The following PRKACB variants were observed in gnomAD, a reference collection of about 807,000 sequenced individuals.
PRKACB encodes cAMP-dependent protein kinase catalytic subunit beta.
PRKACB carries 16 observed loss-of-function variants against 51.4 expected under a neutral mutation model. That is an observed-to-expected ratio of 0.31 (90% CI 0.21 to 0.47). PRKACB has a LOEUF of 0.47. Among genes scored for constraint, PRKACB ranks in the 20% least tolerant of loss-of-function variants. The pLI is 1.00. For missense variants in PRKACB, 309 were observed against 464.5 expected, an observed-to-expected ratio of 0.67 and a Z score of 3.08; for synonymous variants, 147 against 154.4, an observed-to-expected ratio of 0.95 and a Z score of 0.35.
chr1:84,186,467 C>T (rs1398269484), intron 5 of PRKACB, among the ~76,000 whole-genome samples: 2 of 152,072 alleles, frequency 1.3e-5, no homozygotes, highest in Non-Finnish European at 2.9e-5. Context: ...GATCCACCCT[C>T]CTTGGCCTCC....
At position 84,108,224 on chromosome 1, in the gene PRKACB, C is replaced by G. The variant is rs1441691464; in HGVS notation, c.46+29853C>G. Among the ~76,000 whole-genome samples, 3 of 151,882 alleles carry G rather than the reference C, an allele frequency of 2.0e-5. No individual in the cohort carries two copies. The South Asian group carries it at 6.2e-4, about 32-fold the overall frequency. ...TAACTCTAGTAAACTAACAAAGGAG[C>G]AGAAAACCAACTATCACATGTTCTC... is the stretch of plus-strand genomic sequence containing the variant. On this transcript the variant is annotated intron_variant, in intron 1 of 8. Transcript: ENST00000370688.
At chr1:84,121,230 T>C (rs1038033949) in intron 1 of PRKACB, among the ~76,000 whole-genome samples, 4 of 152,082 alleles carry the variant, frequency 2.6e-5, no homozygotes, top group African/African-American at 9.6e-5. Flanking sequence ...TTGAATTCAC[T>C]TTTCTATATA....
chr1:84,180,183 G>GATATATATACATATATATATATAT (rs1662818860), intron 2 of PRKACB, among the ~76,000 whole-genome samples: 1 of 32,062 alleles, frequency 3.1e-5, no homozygotes, highest in Non-Finnish European at 7.8e-5. Flanking sequence ...AAGAAACTGT[G>GATATATATACATATATATATATAT]ATATATATAT....
At chr1:84,124,447 A>C (rs548237977) in intron 1 of PRKACB, among the ~76,000 whole-genome samples, 47 of 152,334 alleles carry the variant, frequency 3.1e-4, no homozygotes, top group African/African-American at 1.1e-3. Flanking sequence ...CATTATCTGA[A>C]GAGTGAGGTT....
In PRKACB at chr1:84,197,758, T is replaced by G; in HGVS notation, c.717T>G (p.Val239=). Residue 239 remains valine (V), a synonymous_variant, in exon 7 of 10, where the codon GTT becomes GTG. Coordinates refer to ENST00000370685, the MANE Select transcript of PRKACB (RefSeq NM_182948.4). ...CAGACTTTGGGTTTGCCAAAAGAGT[T>G]AAAGGCAGAACTTGGACATTATGTG... ...QVTDFGFAKR[V]KGRTWTLCGT... 4 of 1,611,832 alleles carry G rather than the reference T, an allele frequency of 2.5e-6. No homozygotes were observed. Among genetic ancestry groups the G allele is most frequent in the Non-Finnish European group, 2.5e-6 (3 of 1,178,600 alleles).
chr1:84,205,123 G>A, intron 8 of PRKACB: 1 of 981,846 alleles, frequency 1.0e-6, no homozygotes, highest in Non-Finnish European at 1.2e-6. Context: ...TTAACTAAAA[G>A]TACCAGATTA....
chr1:84,204,392 A>T, intron 8 of PRKACB: 1 of 1,001,098 alleles, frequency 1.0e-6, no homozygotes, highest in Non-Finnish European at 1.6e-6. Context: ...GTACTTATTT[A>T]AACAAGTATC....
In PRKACB at chr1:84,154,894, G is replaced by A. The variant is rs146579694; in HGVS notation, c.187+10346G>A. Among the ~76,000 whole-genome samples, 898 of 152,124 alleles carry A rather than the reference G, an allele frequency of 5.9e-3. 9 individuals are homozygous for A. The highest frequency in any genetic ancestry group is 0.021 in the African/African-American group (865 of 41,518). ...AGTGCTGTACTTCAACATAATAAAG[G>A]CTACATAGGATAAGCCCTCAGCTAA... On this transcript the variant is annotated intron_variant, in intron 1 of 9. Coordinates refer to ENST00000370685, the MANE Select transcript of PRKACB (RefSeq NM_182948.4).
At chr1:84,078,522 C>A in intron 1 of PRKACB, 1 of 854,096 alleles carries the variant, frequency 1.2e-6, no homozygotes, top group Non-Finnish European at 1.8e-6. Context: ...GACCAGCTGC[C>A]TTTCTCCTCC....
At chr1:84,139,455 T>A (rs1248095033), upstream of PRKACB, among the ~76,000 whole-genome samples, 1 of 152,168 alleles carries the variant, frequency 6.6e-6, no homozygotes, top group Non-Finnish European at 1.5e-5. Flanking sequence ...TAATAAAACA[T>A]TTTTAAAGAA....
At chr1:84,080,996 A>G (rs1647488576) in intron 1 of PRKACB, among the ~76,000 whole-genome samples, 1 of 152,214 alleles carries the variant, frequency 6.6e-6, no homozygotes, top group South Asian at 2.1e-4. Flanking sequence ...ATGTATATAT[A>G]AGAGTTACCT....
At chr1:84,153,808 C>G (rs552887594) in intron 1 of PRKACB, among the ~76,000 whole-genome samples, 2 of 152,190 alleles carry the variant, frequency 1.3e-5, no homozygotes, top group African/African-American at 2.4e-5. Flanking sequence ...GATGCCATAT[C>G]TTGTGAATAA....
chr1:84,225,449 G>T (rs1022117552), intron 9 of PRKACB, among the ~76,000 whole-genome samples: 1 of 152,072 alleles, frequency 6.6e-6, no homozygotes, highest in Non-Finnish European at 1.5e-5. Context: ...GTGTGGGCTC[G>T]AGTGCTGGGG....
intron 8 of PRKACB, among the ~76,000 whole-genome samples, chr1:84,204,277 A>T (rs1029696767): frequency 1.3e-5 from 2 of 152,010 alleles, no homozygotes; most frequent in Admixed American, 6.6e-5. Flanking sequence ...TTTATACTCC[A>T]ACTATGTCAA....
intron 1 of PRKACB, among the ~76,000 whole-genome samples, chr1:84,131,181 A>G (rs1052758789): frequency 6.6e-6 from 1 of 151,814 alleles, no homozygotes; most frequent in African/African-American, 2.4e-5. Flanking sequence ...ACATGGAGAG[A>G]CCTCCCTCTC....
intron 1 of PRKACB, among the ~76,000 whole-genome samples, chr1:84,103,204 A>G (rs1649484193): frequency 6.6e-6 from 1 of 152,176 alleles, no homozygotes; most frequent in Non-Finnish European, 1.5e-5. Context: ...CACCCTTTTC[A>G]TCTAGAAGCA....
At chr1:84,123,197 T>C (rs1426217243) in intron 1 of PRKACB, among the ~76,000 whole-genome samples, 1 of 152,168 alleles carries the variant, frequency 6.6e-6, no homozygotes, top group African/African-American at 2.4e-5. Context: ...TACCACATAG[T>C]GATGTATGAG....
intron 1 of PRKACB, among the ~76,000 whole-genome samples, chr1:84,151,937 G>A (rs1303837246): frequency 2.6e-5 from 4 of 152,202 alleles, no homozygotes; most frequent in Middle Eastern, 3.4e-3. Flanking sequence ...ATGTTCTTAC[G>A]GCATCTGGAA....
chr1:84,201,576 A>G (rs979931861), intron 7 of PRKACB, among the ~76,000 whole-genome samples: 1 of 152,108 alleles, frequency 6.6e-6, no homozygotes, highest in African/African-American at 2.4e-5. Flanking sequence ...AAAGATATAC[A>G]CAGTATCAGG....
Sources: allele counts gnomAD v4.1 joint callset (sites outside exome capture counted in the v4.1 genomes callset), GRCh38; gene constraint gnomAD v4.1.1; transcripts MANE v1.5; gene names NCBI Gene and HGNC (gene_info 2026-07-23, HGNC 2026-07-21).